The following SLC23A2 variants were observed in gnomAD, a reference collection of about 807,000 sequenced individuals.
SLC23A2 encodes solute carrier family 23 member 2.
In SLC23A2, 36 loss-of-function variants were observed where a neutral mutation model predicts 73.3. That is an observed-to-expected ratio of 0.49 (90% CI 0.38 to 0.65). The LOEUF (loss-of-function observed/expected upper bound fraction) is 0.65, where lower values mean the gene tolerates loss of function less well. SLC23A2 is among the 30% of genes least tolerant of loss of function. The pLI, the probability that SLC23A2 is intolerant of heterozygous loss-of-function variation, is 0.00. For synonymous variants in SLC23A2, 343 were observed against 327.3 expected (o/e 1.05, Z -0.52); for missense variants, 507 against 841.6 (o/e 0.60, Z 4.92).
chr20:4,973,311 G>A (rs576603828), intron 1 of SLC23A2, among the ~76,000 whole-genome samples: 5 of 152,240 alleles, frequency 3.3e-5, no homozygotes, highest in South Asian at 4.1e-4. Context: ...AATTAAAAAC[G>A]GCTCCATGAG....
intron 1 of SLC23A2, among the ~76,000 whole-genome samples, chr20:4,982,507 A>G (rs540062241): frequency 6.6e-6 from 1 of 152,206 alleles, no homozygotes; most frequent in Non-Finnish European, 1.5e-5. Flanking sequence ...AAAAATTGAC[A>G]AGCCGATCCT....
At chr20:4,924,050 C>T (rs1031807165) in intron 3 of SLC23A2, among the ~76,000 whole-genome samples, 7 of 151,990 alleles carry the variant, frequency 4.6e-5, no homozygotes, top group African/African-American at 1.7e-4. Context: ...TCCTCCCCTC[C>T]GCTCTGGGGC....
rs1451911684 is a variant in SLC23A2 at position 5,009,699 on chromosome 20, G to A, written c.-282+483C>T. Among the ~76,000 whole-genome samples the A allele has an allele frequency of 1.1e-4, 17 of 152,210 alleles. No individual in the cohort carries two copies. The East Asian group carries it at 3.1e-3, about 28-fold the overall frequency. Reference sequence around the variant, plus strand: ...CGCTGATGAGAGGTGAAATGCGAAGGGAAAGAACTCAGGATTAACCCCCAG... The same window carrying A: ...CGCTGATGAGAGGTGAAATGCGAAGAGAAAGAACTCAGGATTAACCCCCAG... On this transcript the variant is annotated intron_variant, in intron 1 of 16. Transcript: ENST00000379333.
At chr20:4,912,571 A>T (rs1332914653) in intron 4 of SLC23A2, among the ~76,000 whole-genome samples, 1 of 151,270 alleles carries the variant, frequency 6.6e-6, no homozygotes, top group African/African-American at 2.4e-5. Context: ...CCAGACCTCA[A>T]GCTCTTAACC....
chr20:4,908,193 C>T (rs1932023509), intron 4 of SLC23A2, among the ~76,000 whole-genome samples: 1 of 152,160 alleles, frequency 6.6e-6, no homozygotes, highest in Non-Finnish European at 1.5e-5. Flanking sequence ...TAATAGCAGC[C>T]TCAAAGCTAA....
rs1490616510 is a variant in SLC23A2, at chr20:4,897,535, C to T, written c.482+2020G>A. On this transcript the variant is annotated intron_variant, in intron 6 of 16. Coordinates refer to ENST00000338244, the MANE Select transcript of SLC23A2 (RefSeq NM_005116.6). ...AGGCCACAGCTCTGCATTTTGGGTC[C>T]CTGAGCCATCCCAGTAGGGTGTCAA... is the stretch of plus-strand genomic sequence containing the variant. Among the ~76,000 whole-genome samples the T allele has an allele frequency of 2.0e-5, 3 of 152,190 alleles. No individual in the cohort carries two copies. In the East Asian group the frequency reaches 5.8e-4, roughly 29 times the overall value.
chr20:4,967,116 C>A (rs2087487838), intron 2 of SLC23A2, among the ~76,000 whole-genome samples: 1 of 115,680 alleles, frequency 8.6e-6, no homozygotes, highest in South Asian at 2.7e-4. Context: ...AGAACCAGTA[C>A]AAGAAATCTA....
intron 5 of SLC23A2, among the ~76,000 whole-genome samples, chr20:4,901,621 C>T (rs778117587): frequency 6.6e-5 from 10 of 152,108 alleles, no homozygotes; most frequent in African/African-American, 9.7e-5. Context: ...TCCCTGAGCC[C>T]GGCTGCCCTC....
chr20:4,988,370 G>A (rs201107115), intron 1 of SLC23A2, among the ~76,000 whole-genome samples: 1 of 4,662 alleles, frequency 2.1e-4, no homozygotes, highest in African/African-American at 0.011. Flanking sequence ...GGGAAACCGA[G>A]GGGGGGCCAA....
Position 4,932,709 on chromosome 20 carries a change from C to CT in SLC23A2, c.-148dup. ...GAGATGAGGCCTGCAAACGGCATCT[C>CT]TTAGCACCTAGAAAAGAAGAGCACA... On this transcript the variant is annotated 5_prime_UTR_variant, in exon 3 of 17. It introduces an in-frame stop codon into an upstream open reading frame of the 5' UTR. Transcript: ENST00000338244. 1.6e-6 allele frequency: 1 copy of CT among 606,890 alleles called. No individual in the cohort carries two copies. The highest frequency in any genetic ancestry group is 2.0e-5 in the South Asian group (1 of 49,920). 37.6% of individuals were successfully genotyped at this position (606,890 alleles called of 1,614,324 possible). A position where few individuals can be genotyped will look rare whatever the true frequency, so the allele number is the denominator to read the frequency against.
At chr20:4,860,429 T>C (rs1383448716) in intron 15 of SLC23A2, among the ~76,000 whole-genome samples, 1 of 152,236 alleles carries the variant, frequency 6.6e-6, no homozygotes, top group Non-Finnish European at 1.5e-5. Flanking sequence ...GTGATCTCAC[T>C]GTTTAAAATG....
At chr20:4,942,205 C>T (rs776944813) in intron 2 of SLC23A2, among the ~76,000 whole-genome samples, 16 of 151,958 alleles carry the variant, frequency 1.1e-4, no homozygotes, top group Admixed American at 3.9e-4. Context: ...TACAGCAGTG[C>T]GGAATAATGT....
intron 6 of SLC23A2, among the ~76,000 whole-genome samples, chr20:4,896,747 C>T (rs545544817): frequency 2.0e-5 from 3 of 152,156 alleles, no homozygotes; most frequent in Admixed American, 1.3e-4. Context: ...ATGGTCCTCA[C>T]CCCCTATACT....
At chr20:4,908,983 G>T (rs1306980206) in intron 4 of SLC23A2, among the ~76,000 whole-genome samples, 4 of 152,090 alleles carry the variant, frequency 2.6e-5, no homozygotes, top group Admixed American at 2.6e-4. Context: ...TTGTTTTAAG[G>T]AAATACACAT....
At chr20:4,875,768 A>G (rs1930632232) in intron 9 of SLC23A2, among the ~76,000 whole-genome samples, 1 of 152,224 alleles carries the variant, frequency 6.6e-6, no homozygotes. Context: ...CAATGCGTCT[A>G]AGCCTCCACG....
At chr20:4,920,838 G>T (rs763622693) in intron 3 of SLC23A2, among the ~76,000 whole-genome samples, 1 of 152,064 alleles carries the variant, frequency 6.6e-6, no homozygotes, top group Non-Finnish European at 1.5e-5. Context: ...CTGGTGGTGC[G>T]GCTGGTTCTC....
At chr20:4,962,607 G>A (rs563441305) in intron 2 of SLC23A2, among the ~76,000 whole-genome samples, 53 of 152,164 alleles carry the variant, frequency 3.5e-4, no homozygotes, top group Non-Finnish European at 5.9e-4. Flanking sequence ...TCCCGTGGCC[G>A]GATAAGCCAA....
chr20:4,894,076 G>A (rs1931432115), intron 6 of SLC23A2, among the ~76,000 whole-genome samples: 1 of 152,188 alleles, frequency 6.6e-6, no homozygotes, highest in Non-Finnish European at 1.5e-5. Flanking sequence ...GGATTTTAAA[G>A]GCTTTGTACT....
In SLC23A2 at chr20:4,983,595, G is replaced by A. The variant is rs577889128; in HGVS notation, c.-281-12676C>T. Among the ~76,000 whole-genome samples, 223 of 141,656 alleles carry A rather than the reference G, an allele frequency of 1.6e-3. 4 individuals are homozygous for A. Among genetic ancestry groups the A allele is most frequent in the Middle Eastern group, 9.9e-3 (2 of 202 alleles). 92.9% of individuals were successfully genotyped at this position (141,656 alleles called of 152,430 possible). ...CGGGCAGCGGAGTTTGCAGTGAGCC[G>A]AGACCGCGCCACTGCACTCCAGCCT... On this transcript the variant is annotated intron_variant, in intron 1 of 16. Coordinates refer to ENST00000338244, the MANE Select transcript of SLC23A2 (RefSeq NM_005116.6).
Sources: gnomAD v4.1 joint callset for allele counts (sites outside exome capture counted in the v4.1 genomes callset) on GRCh38, gnomAD v4.1.1 for gene constraint, MANE v1.5 for transcripts, NCBI Gene and HGNC (gene_info 2026-07-23, HGNC 2026-07-21) for gene names.